OSBPL11: variants seen among roughly 807,000 people sequenced by gnomAD.
OSBPL11 encodes the protein oxysterol binding protein like 11, also known as oxysterol-binding protein-related protein 11.
Under a neutral mutation model 84.4 loss-of-function variants are expected in OSBPL11, and 33 were observed. The ratio of observed to expected loss-of-function variants is 0.39; its 90% CI spans 0.30 to 0.52. The LOEUF (loss-of-function observed/expected upper bound fraction) is 0.52, where lower values mean the gene tolerates loss of function less well. Ranked by LOEUF, OSBPL11 falls within the 20% of genes least tolerant of loss-of-function variation. The pLI is 0.72. For missense variants in OSBPL11, 736 were observed against 901.1 expected, an observed-to-expected ratio of 0.82 and a Z score of 2.35; for synonymous variants, 276 against 310.2, an observed-to-expected ratio of 0.89 and a Z score of 1.16.
intron 1 of OSBPL11, among the ~76,000 whole-genome samples, chr3:125,591,406 A>G (rs1206597009): frequency 6.6e-6 from 1 of 152,208 alleles, no homozygotes; most frequent in African/African-American, 2.4e-5. Flanking sequence ...CTCTCCAGGT[A>G]GCACTCTCTA....
intron 1 of OSBPL11, 102 bp downstream of exon 1, chr3:125,594,535 A>C: frequency 2.2e-6 from 3 of 1,367,342 alleles, no homozygotes; most frequent in Admixed American, 4.3e-5. Flanking sequence ...TCTGGAAGCC[A>C]GTGAAAAAAC....
intron 7 of OSBPL11, 32 bp from the exon 8 acceptor site, chr3:125,560,551 T>C (rs1936061138): frequency 6.6e-7 from 1 of 1,510,562 alleles, no homozygotes; most frequent in Admixed American, 1.9e-5. Flanking sequence ...AGTCTAGTAT[T>C]TTAACTACCT....
intron 9 of OSBPL11, among the ~76,000 whole-genome samples, chr3:125,548,093 G>C (rs1935846656): frequency 6.6e-6 from 1 of 152,084 alleles, no homozygotes; most frequent in Non-Finnish European, 1.5e-5. Context: ...TGGCCAGGCT[G>C]GTCTCGCACT....
intron 10 of OSBPL11, among the ~76,000 whole-genome samples, chr3:125,543,693 G>T (rs1935768848): frequency 6.6e-6 from 1 of 151,972 alleles, no homozygotes; most frequent in Admixed American, 6.6e-5. Context: ...TTGAGGTCAG[G>T]AGTTCAAGAC....
intron 1 of OSBPL11, among the ~76,000 whole-genome samples, chr3:125,585,572 T>C (rs1264300159): frequency 1.3e-5 from 2 of 151,418 alleles, no homozygotes; most frequent in Non-Finnish European, 2.9e-5. Flanking sequence ...GATATTGACA[T>C]GGTTTATTTG....
At chr3:125,543,124 A>ATTTTTT (rs60571172) in intron 10 of OSBPL11, among the ~76,000 whole-genome samples, 4 of 99,288 alleles carry the variant, frequency 4.0e-5, no homozygotes, top group Non-Finnish European at 5.6e-5. Context: ...GGCTAGTAAG[A>ATTTTTT]TTTTTTTTTT....
chr3:125,553,198 CA>C (rs908362260), intron 8 of OSBPL11, among the ~76,000 whole-genome samples: 1 of 152,230 alleles, frequency 6.6e-6, no homozygotes, highest in South Asian at 2.1e-4. Flanking sequence ...GAAGAAACTT[CA>C]AAAAAATCCT....
At position 125,585,545 on chromosome 3, in the gene OSBPL11, A is replaced by AAAAC. The variant is rs1553736769; in HGVS notation, c.165-2568_165-2567insGTTT. ...AAAGAGTTAGCTTTCTGAAAAAAAA[A>AAAAC]AAAACAAAACTATAAGGATATTGAC... is the stretch of plus-strand genomic sequence containing the variant. On this transcript the variant is annotated intron_variant, in intron 1 of 12. Coordinates refer to ENST00000296220, the MANE Select transcript of OSBPL11 (RefSeq NM_022776.5). Among the ~76,000 whole-genome samples, 216 of 151,062 alleles carry AAAAC rather than the reference A, an allele frequency of 1.4e-3. 2 individuals are homozygous for AAAAC. Among genetic ancestry groups the AAAAC allele is most frequent in the African/African-American group, 5.0e-3 (204 of 41,120 alleles).
chr3:125,578,939 A>G (rs1360522310), intron 4 of OSBPL11, 21 bp downstream of exon 4: 1 of 1,407,242 alleles, frequency 7.1e-7, no homozygotes, highest in African/African-American at 1.5e-5. Context: ...GTATATTAAT[A>G]TTGTATATAA....
chr3:125,530,469 G>T lies in OSBPL11; in HGVS notation c.*46C>A, dbSNP rs118139866. The T allele has an allele frequency of 1.2e-3, 1,910 of 1,541,788 alleles. 24 individuals are homozygous for T. The East Asian group carries it at 0.038, about 31-fold the overall frequency. On this transcript the variant is annotated 3_prime_UTR_variant, in exon 13 of 13. Coordinates refer to ENST00000296220, the MANE Select transcript of OSBPL11 (RefSeq NM_022776.5). ...TGACTCCATTCTGGGAGGATTTAGGGTAAACAGAGAAGAACCTCATTTGGT... is the reference window on the plus strand; with the variant it reads ...TGACTCCATTCTGGGAGGATTTAGGTTAAACAGAGAAGAACCTCATTTGGT...
chr3:125,594,863 T>C lies in OSBPL11; in HGVS notation c.-63A>G, dbSNP rs1580070280. 5.9e-6 allele frequency: 9 copies of C among 1,527,282 alleles called. No homozygotes were observed. The highest frequency in any genetic ancestry group is 4.4e-6 in the Non-Finnish European group (5 of 1,135,728). The allele number at this position is 1,527,282 out of a possible 1,614,324, so 94.6% of individuals were successfully genotyped here. A position where few individuals can be genotyped will look rare whatever the true frequency, so the allele number is the denominator to read the frequency against. On this transcript the variant is annotated 5_prime_UTR_variant, in exon 1 of 13. Coordinates refer to ENST00000296220, the MANE Select transcript of OSBPL11 (RefSeq NM_022776.5). ...GAGAACAATTCTGTAGTTCTGTAGG[T>C]GACTTTTTTTTTTTAAGATTTGATC...
intron 10 of OSBPL11, among the ~76,000 whole-genome samples, chr3:125,546,197 A>C (rs1935812193): frequency 6.8e-6 from 1 of 147,670 alleles, no homozygotes; most frequent in African/African-American, 2.5e-5. Flanking sequence ...TTTTTGAGAC[A>C]GAGTCCTGTT....
intron 11 of OSBPL11, among the ~76,000 whole-genome samples, chr3:125,536,042 T>A (rs182928507): frequency 6.7e-6 from 1 of 149,314 alleles, no homozygotes; most frequent in Non-Finnish European, 1.5e-5. Context: ...GGCTGAGGCA[T>A]GAGAATCGCT....
At chr3:125,542,875 C>T (rs1466680823) in intron 10 of OSBPL11, among the ~76,000 whole-genome samples, 1 of 152,122 alleles carries the variant, frequency 6.6e-6, no homozygotes, top group Non-Finnish European at 1.5e-5. Flanking sequence ...AAACTCCCAA[C>T]TTCAGGTGAT....
At position 125,547,473 on chromosome 3, in the gene OSBPL11, C is replaced by T; in HGVS notation, c.1774G>A (p.Ala592Thr). The T allele has an allele frequency of 6.2e-7, 1 of 1,614,086 alleles. No homozygotes were observed. Among genetic ancestry groups the T allele is most frequent in the Non-Finnish European group, 8.5e-7 (1 of 1,179,998 alleles). ...ELGGKVSVNC[A>T]KTGYSASITF... ...ATGCTGGCTGAATATCCAGTTTTTGCACAGTTGACACTGACTTTGCCACCC... is the reference window on the plus strand; with the variant it reads ...ATGCTGGCTGAATATCCAGTTTTTGTACAGTTGACACTGACTTTGCCACCC... The change falls in exon 10 of 13, where the codon GCA becomes ACA. Residue 592 changes from alanine (A) to threonine (T), a missense_variant. By Grantham distance (58) the Ala-to-Thr change is moderately conservative. Coordinates refer to ENST00000296220, the MANE Select transcript of OSBPL11 (RefSeq NM_022776.5).
Position 125,552,750 on chromosome 3 carries a change from C to T in OSBPL11, c.1156-71G>A, listed in dbSNP as rs536703163. 199 of 1,475,132 alleles carry T rather than the reference C, an allele frequency of 1.3e-4. No individual in the cohort carries two copies. In the African/African-American group the frequency reaches 2.6e-3, roughly 19 times the overall value. The allele number at this position is 1,475,132 out of a possible 1,614,324, so 91.4% of individuals were successfully genotyped here. On this transcript the variant is annotated intron_variant, in intron 8 of 12. Transcript: ENST00000296220. ...GCATATCTGTAGACAACTATTCTCT[C>T]TCTGAAAACATTTCATTCTAGATGG...
Position 125,547,446 on chromosome 3 carries a change from T to C in OSBPL11, c.1801A>G (p.Thr601Ala), listed in dbSNP as rs760914264. ...CAKTGYSASI[T>A]FHTKPFYGGK... ...CCATAAAATGGCTTGGTATGAAAAG[T>C]GATGCTGGCTGAATATCCAGTTTTT... Residue 601 changes from threonine (T) to alanine (A), a missense_variant, in exon 10 of 13, where the codon ACT (threonine) becomes GCT (alanine). Thr to Ala is a moderately conservative substitution (Grantham distance 58). Transcript: ENST00000296220. The C allele has an allele frequency of 1.6e-5, 26 of 1,613,932 alleles. No individual in the cohort carries two copies. In the South Asian group the frequency reaches 2.9e-4, roughly 18 times the overall value.
intron 8 of OSBPL11, among the ~76,000 whole-genome samples, chr3:125,557,834 G>A (rs1277314507): frequency 9.5e-5 from 11 of 115,468 alleles, no homozygotes; most frequent in South Asian, 2.7e-4. Context: ...GTCTCGCTCC[G>A]TTGACCAGGC....
At position 125,530,550 on chromosome 3, in the gene OSBPL11, A is replaced by C. The variant is rs1346086622; in HGVS notation, c.2209T>G (p.Trp737Gly). Reference sequence around the variant, plus strand: ...GGTTGTGTTGTTGGAATTATTTTCCAAAGTGGTTTATGATAAACCCAGCCA... The same window carrying C: ...GGTTGTGTTGTTGGAATTATTTTCCCAAGTGGTTTATGATAAACCCAGCCA... ...GDGWVYHKPLWKIIPTTQPAE is the reference protein window; with the variant it reads ...GDGWVYHKPLGKIIPTTQPAE Residue 737 changes from tryptophan (W) to glycine (G), a missense_variant, in exon 13 of 13, where the codon TGG becomes GGG. Trp to Gly is a radical substitution (Grantham distance 184, BLOSUM62 -2). This residue lies in a region of OSBPL11 where 579 missense variants were observed against 717.6 expected (regional missense o/e 0.81). Transcript: ENST00000296220. 6.2e-7 allele frequency: 1 copy of C among 1,613,956 alleles called. No individual in the cohort carries two copies. Among genetic ancestry groups the C allele is most frequent in the South Asian group, 1.1e-5 (1 of 91,070 alleles).
Sources: gnomAD v4.1 joint callset for allele counts (sites outside exome capture counted in the v4.1 genomes callset) on GRCh38, gnomAD v4.1.1 for gene constraint, gnomAD v4.1.1 regional missense constraint, MANE v1.5 for transcripts, NCBI Gene and HGNC (gene_info 2026-07-23, HGNC 2026-07-21) for gene names.